TM2D1: variants seen among roughly 807,000 people sequenced by gnomAD.
TM2D1 encodes the protein TM2 domain containing 1.
In TM2D1, 15 loss-of-function variants were observed where a neutral mutation model predicts 28.4. The observed-to-expected ratio is 0.53, with a 90% confidence interval of 0.35 to 0.81. The LOEUF is 0.81. Among genes scored for constraint, TM2D1 ranks in the 40% least tolerant of loss-of-function variants. TM2D1 has a pLI of 0.01. For missense variants in TM2D1, 236 were observed against 254.9 expected (o/e 0.93, Z 0.50); for synonymous variants, 93 against 96.2 (o/e 0.97, Z 0.20).
At chr1:61,724,116 A>C (rs1553144269) in intron 1 of TM2D1, among the ~76,000 whole-genome samples, 1 of 152,182 alleles carries the variant, frequency 6.6e-6, no homozygotes, top group Non-Finnish European at 1.5e-5. Flanking sequence ...TCATGAGAAA[A>C]CAGAGTTCAA....
At chr1:61,702,967 G>A (rs988954158) in intron 3 of TM2D1, among the ~76,000 whole-genome samples, 5 of 151,288 alleles carry the variant, frequency 3.3e-5, no homozygotes, top group African/African-American at 7.3e-5. Flanking sequence ...TTAGCCGGGC[G>A]TGGTGGTATA....
At chr1:61,702,085 G>C (rs1043207178) in intron 3 of TM2D1, among the ~76,000 whole-genome samples, 1 of 151,992 alleles carries the variant, frequency 6.6e-6, no homozygotes, top group Admixed American at 6.6e-5. Flanking sequence ...AGCTACTCGG[G>C]AGGCTGAGGC....
At chr1:61,708,483 C>T (rs748665930) in intron 3 of TM2D1, among the ~76,000 whole-genome samples, 1 of 152,184 alleles carries the variant, frequency 6.6e-6, no homozygotes, top group Non-Finnish European at 1.5e-5. Flanking sequence ...CGTGAACTTC[C>T]GGGCTCCTCT....
intron 3 of TM2D1, among the ~76,000 whole-genome samples, chr1:61,706,355 C>T (rs1335472519): frequency 2.6e-5 from 4 of 152,072 alleles, no homozygotes; most frequent in Admixed American, 2.6e-4. Flanking sequence ...AGACATGCAC[C>T]ACCAGCTAAC....
At chr1:61,683,979 G>A (rs1644266326) in intron 5 of TM2D1, 1 of 155,774 alleles carries the variant, frequency 6.4e-6, no homozygotes, top group Admixed American at 6.5e-5. Context: ...CGATCTGCTT[G>A]GTTTTTATGC....
chr1:61,683,786 T>C (rs1644264625), intron 5 of TM2D1: 2 of 273,602 alleles, frequency 7.3e-6, no homozygotes, highest in African/African-American at 2.2e-5. Context: ...CTGTGCTCCC[T>C]GAGGCCCTTG....
chr1:61,700,024 A>C (rs1489872784), intron 4 of TM2D1: 11 of 1,143,850 alleles, frequency 9.6e-6, no homozygotes, highest in Non-Finnish European at 1.1e-5. Flanking sequence ...AGCATTCAAA[A>C]ACTTTAAATT....
Position 61,700,957 on chromosome 1 carries a change from A to T in TM2D1, c.416T>A (p.Phe139Tyr). 6.2e-7 allele frequency: 1 copy of T among 1,611,232 alleles called. No individual in the cohort carries two copies. Among genetic ancestry groups the T allele is most frequent in the Non-Finnish European group, 8.5e-7 (1 of 1,178,794 alleles). ...ACCCAAAGCAGGGTATCCAAGGTAA[A>T]ATCGATCTGCTCCCAACCATCCAAG... Reference protein sequence around the residue: ...LFLGWLGADRFYLGYPALGLL... With the variant: ...LFLGWLGADRYYLGYPALGLL... The change falls in exon 4 of 7, where the codon TTT (phenylalanine) becomes TAT (tyrosine). Residue 139 changes from phenylalanine to tyrosine, a missense_variant. Coordinates refer to ENST00000606498, the MANE Select transcript of TM2D1 (RefSeq NM_032027.3).
chr1:61,690,973 G>A (rs754911461), intron 5 of TM2D1, among the ~76,000 whole-genome samples: 1 of 152,014 alleles, frequency 6.6e-6, no homozygotes, highest in Non-Finnish European at 1.5e-5. Flanking sequence ...CATATTAATA[G>A]GAATGAAAGT....
chr1:61,718,728 G>A lies in TM2D1; in HGVS notation c.238+4985C>T, dbSNP rs147128873. On this transcript the variant is annotated intron_variant, in intron 2 of 6. Coordinates refer to ENST00000606498, the MANE Select transcript of TM2D1 (RefSeq NM_032027.3). ...TCCATCAATTATGTTACTTTACAGC[G>A]TGGAATGTATATCCTAAGTCTAATC... 4.2e-4 allele frequency among the ~76,000 whole-genome samples: 64 copies of A among 152,292 alleles called. No homozygotes were observed. In the East Asian group the frequency reaches 9.6e-3, roughly 23 times the overall value.
chr1:61,685,988 G>A (rs779044148), intron 5 of TM2D1, among the ~76,000 whole-genome samples: 9 of 152,102 alleles, frequency 5.9e-5, no homozygotes, highest in Non-Finnish European at 7.4e-5. Flanking sequence ...GCTCCAGCCT[G>A]GGTGACAAAA....
chr1:61,719,444 A>G (rs190285055), intron 2 of TM2D1, among the ~76,000 whole-genome samples: 2 of 151,332 alleles, frequency 1.3e-5, no homozygotes, highest in East Asian at 3.9e-4. Flanking sequence ...TATGTTAACA[A>G]TTGGTCAATC....
At chr1:61,701,049 A>G (rs1240986840) in intron 3 of TM2D1, 24 bp from the exon 4 acceptor site, 2 of 1,552,390 alleles carry the variant, frequency 1.3e-6, no homozygotes, top group Non-Finnish European at 1.8e-6. Context: ...AAATCTGAGT[A>G]TCATATTTCC....
chr1:61,719,226 T>G (rs956082120), intron 2 of TM2D1, among the ~76,000 whole-genome samples: 1 of 151,974 alleles, frequency 6.6e-6, no homozygotes, highest in African/African-American at 2.4e-5. Context: ...CCTGGCTAGT[T>G]TTTTGTAGAG....
At chr1:61,707,877 T>C (rs1644452057) in intron 3 of TM2D1, among the ~76,000 whole-genome samples, 1 of 152,156 alleles carries the variant, frequency 6.6e-6, no homozygotes, top group Non-Finnish European at 1.5e-5. Context: ...GCTTATTTCT[T>C]GAAACAACCA....
intron 2 of TM2D1, among the ~76,000 whole-genome samples, chr1:61,710,446 A>ATG (rs1305130583): frequency 1.1e-4 from 11 of 104,412 alleles, no homozygotes; most frequent in African/African-American, 3.6e-4. Context: ...AAAAAAAAAA[A>ATG]TGTATATATA....
At chr1:61,692,042 A>G (rs1225661337) in intron 5 of TM2D1, among the ~76,000 whole-genome samples, 2 of 147,518 alleles carry the variant, frequency 1.4e-5, no homozygotes, top group Non-Finnish European at 3.0e-5. Context: ...TATATATAGT[A>G]GTTATATATA....
At chr1:61,693,053 A>G (rs1644340335) in intron 5 of TM2D1, among the ~76,000 whole-genome samples, 1 of 152,000 alleles carries the variant, frequency 6.6e-6, no homozygotes, top group Non-Finnish European at 1.5e-5. Flanking sequence ...CCTGGGCAAC[A>G]TGGGGAAACC....
intron 3 of TM2D1, among the ~76,000 whole-genome samples, chr1:61,704,371 C>T: frequency 6.6e-6 from 1 of 151,980 alleles, no homozygotes; most frequent in East Asian, 1.9e-4. Flanking sequence ...AATGAAGGGA[C>T]ACAGAAGAGT....
Sources: allele counts gnomAD v4.1 joint callset (sites outside exome capture counted in the v4.1 genomes callset), GRCh38; gene constraint gnomAD v4.1.1; transcripts MANE v1.5; gene names NCBI Gene and HGNC (gene_info 2026-07-23, HGNC 2026-07-21).